SLC7A8: variants seen among roughly 807,000 people sequenced by gnomAD.
The protein encoded by SLC7A8 is solute carrier family 7 member 8, also known as large neutral amino acids transporter small subunit 2.
A neutral mutation model predicts 51.2 loss-of-function variants in SLC7A8; 30 were observed. The observed-to-expected ratio is 0.59, with a 90% CI of 0.44 to 0.80. The LOEUF (loss-of-function observed/expected upper bound fraction) is 0.80, where lower values mean the gene tolerates loss of function less well. SLC7A8 is among the 30% of genes least tolerant of loss of function. The pLI is 0.00. For missense variants in SLC7A8, 612 were observed against 674.4 expected (o/e 0.91, Z 1.03); for synonymous variants, 257 against 275.8 (o/e 0.93, Z 0.67).
At chr14:23,176,588 G>A (rs1876929288) in intron 1 of SLC7A8, among the ~76,000 whole-genome samples, 1 of 152,098 alleles carries the variant, frequency 6.6e-6, no homozygotes, top group African/African-American at 2.4e-5. Flanking sequence ...AATAAGTACT[G>A]TCTTAAGATT....
rs8018941 is a variant in SLC7A8 at position 23,174,620 on chromosome 14, C to G, written c.152-8080G>C. 6.8e-3 allele frequency among the ~76,000 whole-genome samples: 1,036 copies of G among 152,334 alleles called. 10 individuals are homozygous for G. Among genetic ancestry groups the G allele is most frequent in the African/African-American group, 0.024 (984 of 41,562 alleles). ...TTTTGCCTCCTAGAAATAAAATTCA[C>G]CAGTGCTCAGGACAAGGCCTAGAAT... On this transcript the variant is annotated intron_variant, in intron 1 of 10. Coordinates refer to ENST00000316902, the MANE Select transcript of SLC7A8 (RefSeq NM_012244.4).
At chr14:23,156,454 T>C (rs1246003843) in intron 3 of SLC7A8, 1 of 152,260 alleles carries the variant, frequency 6.6e-6, no homozygotes, top group African/African-American at 2.4e-5. Context: ...CCTTTTTTCT[T>C]TCCCCCAAAG....
At chr14:23,134,580 T>C (rs1270940870) in intron 7 of SLC7A8, among the ~76,000 whole-genome samples, 4 of 151,802 alleles carry the variant, frequency 2.6e-5, no homozygotes, top group Non-Finnish European at 4.4e-5. Context: ...TTTTTAGAGA[T>C]GGGGTCTTGC....
intron 4 of SLC7A8, among the ~76,000 whole-genome samples, chr14:23,142,801 C>T (rs980082613): frequency 5.3e-5 from 8 of 152,104 alleles, no homozygotes; most frequent in African/African-American, 1.7e-4. Flanking sequence ...CACACTCGGC[C>T]GATATGTGGG....
rs948650463 is a variant in SLC7A8 at position 23,183,137 on chromosome 14, T to A, written c.-223A>T. 2.0e-3 allele frequency: 182 copies of A among 91,048 alleles called. 10 individuals are homozygous for A. Among genetic ancestry groups the A allele is most frequent in the South Asian group, 9.9e-3 (30 of 3,032 alleles). 5.6% of individuals were successfully genotyped at this position (91,048 alleles called of 1,614,324 possible). Reference sequence around the variant, plus strand: ...CGTTTACAAACAAGAAAAGTGTTGCTAAAAAAAAAAAAAAAAAAAAAGGCC... The same window carrying A: ...CGTTTACAAACAAGAAAAGTGTTGCAAAAAAAAAAAAAAAAAAAAAAGGCC... On this transcript the variant is annotated 5_prime_UTR_variant, in exon 1 of 11. It removes the in-frame stop codon of an upstream open reading frame in the 5' UTR. Transcript: ENST00000316902.
At position 23,182,654 on chromosome 14, in the gene SLC7A8, A is replaced by G. The variant is rs544236474; in HGVS notation, c.151+110T>C. On this transcript the variant is annotated intron_variant, in intron 1 of 10. Transcript: ENST00000316902. ...GTGAGTTACAGCTCAGGTGACTGAC[A>G]ATCCTTTTCTAAGGAATAGGAAGAA... 8.7e-6 allele frequency: 11 copies of G among 1,265,334 alleles called. No homozygotes were observed. The South Asian group carries it at 1.9e-4, about 22-fold the overall frequency. The allele number at this position is 1,265,334 out of a possible 1,614,324, so 78.4% of individuals were successfully genotyped here.
At position 23,128,298 on chromosome 14, in the gene SLC7A8, C is replaced by T. The variant is rs2048599102; in HGVS notation, c.1264-102G>A. 3.8e-6 allele frequency: 6 copies of T among 1,560,324 alleles called. No individual in the cohort carries two copies. Among genetic ancestry groups the T allele is most frequent in the Non-Finnish European group, 5.2e-6 (6 of 1,154,270 alleles). On this transcript the variant is annotated intron_variant, in intron 9 of 10. Transcript: ENST00000316902. The surrounding 1 kb of genome is among the most constrained non-coding windows in gnomAD (Gnocchi z 4.3). ...CTCTTCTTCACCCACAGAGACACAT[C>T]CTCAAGGGCAAAGGCTGGGCTTCCC...
intron 4 of SLC7A8, among the ~76,000 whole-genome samples, chr14:23,142,389 A>G (rs895474617): frequency 6.6e-6 from 1 of 152,234 alleles, no homozygotes; most frequent in African/African-American, 2.4e-5. Context: ...AACATAAAAT[A>G]CCTTTCTCTG....
chr14:23,126,168 A>G lies in SLC7A8; in HGVS notation c.*1009T>C, dbSNP rs2048574160. On this transcript the variant is annotated 3_prime_UTR_variant, in exon 11 of 11. Transcript: ENST00000316902. The stretch of plus-strand genomic sequence containing the variant: ...GAAATAGGGGAGTATTTTTAGGCCA[A>G]GTTCTTGGATGGGAGGTGACTTAAG... 6.5e-6 allele frequency: 1 copy of G among 152,832 alleles called. No homozygotes were observed. The highest frequency in any genetic ancestry group is 1.5e-5 in the Non-Finnish European group (1 of 68,122). The allele number at this position is 152,832 out of a possible 1,614,324, so 9.5% of individuals were successfully genotyped here.
At chr14:23,159,763 C>G (rs570680438) in intron 3 of SLC7A8, among the ~76,000 whole-genome samples, 12 of 152,346 alleles carry the variant, frequency 7.9e-5, no homozygotes, top group African/African-American at 2.4e-4. Flanking sequence ...TGCAAAGCAA[C>G]TCAGGAGTTT....
At chr14:23,132,782 T>C (rs1430299301) in intron 7 of SLC7A8, among the ~76,000 whole-genome samples, 3 of 152,016 alleles carry the variant, frequency 2.0e-5, no homozygotes, top group East Asian at 3.9e-4. Flanking sequence ...ATTACAGGCA[T>C]GCGCCACCAC....
At chr14:23,132,745 T>C (rs777662659) in intron 7 of SLC7A8, among the ~76,000 whole-genome samples, 7 of 151,612 alleles carry the variant, frequency 4.6e-5, no homozygotes, top group South Asian at 2.1e-4. Flanking sequence ...AAGCGATTCT[T>C]CTGCCTCAGC....
At chr14:23,145,390 G>A (rs1168494462) in intron 3 of SLC7A8, among the ~76,000 whole-genome samples, 1 of 151,546 alleles carries the variant, frequency 6.6e-6, no homozygotes, top group Non-Finnish European at 1.5e-5. Context: ...GCTGGGCGTG[G>A]TGGTGGCGCG....
At chr14:23,152,051 C>T (rs1594831491) in intron 3 of SLC7A8, among the ~76,000 whole-genome samples, 1 of 151,666 alleles carries the variant, frequency 6.6e-6, no homozygotes, top group African/African-American at 2.4e-5. Context: ...CAAAACAAAA[C>T]AAAAACAAAA....
chr14:23,134,437 C>CAGAAA (rs2048669373), intron 7 of SLC7A8, among the ~76,000 whole-genome samples: 1 of 64,186 alleles, frequency 1.6e-5, no homozygotes, highest in Non-Finnish European at 2.6e-5. Flanking sequence ...ACCCTGTCTC[C>CAGAAA]AAAAAAAAAA....
At chr14:23,150,210 G>A (rs1594830219) in intron 3 of SLC7A8, among the ~76,000 whole-genome samples, 1 of 152,214 alleles carries the variant, frequency 6.6e-6, no homozygotes, top group Non-Finnish European at 1.5e-5. Flanking sequence ...GAGTCGTGGA[G>A]CTGGTTTTAA....
Position 23,147,860 on chromosome 14 carries a change from A to G in SLC7A8, c.509-4656T>C, listed in dbSNP as rs2140320261. Reference sequence around the variant, plus strand: ...AACTCAGATTCTAGCAACCTGGAACACTGCCCAGAGTCCAGGGCCTCCCAG... The same window carrying G: ...AACTCAGATTCTAGCAACCTGGAACGCTGCCCAGAGTCCAGGGCCTCCCAG... On this transcript the variant is annotated intron_variant, in intron 3 of 10. Transcript: ENST00000316902. Among the ~76,000 whole-genome samples the G allele has an allele frequency of 1.3e-5, 2 of 152,348 alleles. 1 individual carries two copies. Among genetic ancestry groups the G allele is most frequent in the South Asian group, 4.1e-4 (2 of 4,826 alleles).
chr14:23,158,149 T>C (rs893367922), intron 3 of SLC7A8, among the ~76,000 whole-genome samples: 10 of 152,220 alleles, frequency 6.6e-5, no homozygotes, highest in Non-Finnish European at 1.5e-5. Flanking sequence ...CCAAGAACAG[T>C]AACTAGCCCA....
intron 1 of SLC7A8, among the ~76,000 whole-genome samples, chr14:23,176,084 T>C (rs1018072801): frequency 1.3e-5 from 2 of 152,210 alleles, no homozygotes; most frequent in African/African-American, 2.4e-5. Context: ...TTAATTGAAG[T>C]ACAAACTCAA....
Sources: gnomAD v4.1 joint callset for allele counts (sites outside exome capture counted in the v4.1 genomes callset) on GRCh38, gnomAD v4.1.1 for gene constraint, Gnocchi (gnomAD v3.1) non-coding constraint, MANE v1.5 for transcripts, NCBI Gene and HGNC (gene_info 2026-07-23, HGNC 2026-07-21) for gene names.